MAP2K5: variants seen among roughly 807,000 people sequenced by gnomAD.
The protein encoded by MAP2K5 is mitogen-activated protein kinase kinase 5.
Under a neutral mutation model 83.1 loss-of-function variants are expected in MAP2K5, and 49 were observed. The ratio of observed to expected loss-of-function variants is 0.59; its 90% CI spans 0.47 to 0.75. MAP2K5 has a LOEUF of 0.75. MAP2K5 is among the 30% of genes least tolerant of loss of function. The pLI, the probability that MAP2K5 is intolerant of heterozygous loss-of-function variation, is 0.00. For missense variants in MAP2K5, 457 were observed against 557.5 expected (o/e 0.82, Z 1.82); for synonymous variants, 202 against 191.8 (o/e 1.05, Z -0.44).
At position 67,638,513 on chromosome 15, in the gene MAP2K5, A is replaced by C. The variant is rs2086650101; in HGVS notation, c.585+7586A>C. 6.6e-6 allele frequency among the ~76,000 whole-genome samples: 1 copy of C among 152,178 alleles called. No individual in the cohort carries two copies. The highest frequency in any genetic ancestry group is 2.1e-4 in the South Asian group (1 of 4,824). ...TTGATTCCATGTCTTTGCTATTGCGAATAGTGCTGCAATGACCATTTGCAT... is the reference window on the plus strand; with the variant it reads ...TTGATTCCATGTCTTTGCTATTGCGCATAGTGCTGCAATGACCATTTGCAT... On this transcript the variant is annotated intron_variant, in intron 9 of 21. Transcript: ENST00000178640. This position sits in a 1 kb window ranked among gnomAD's most constrained non-coding sequence, Gnocchi z 4.5.
intron 9 of MAP2K5, among the ~76,000 whole-genome samples, chr15:67,639,983 C>G (rs189727913): frequency 8.5e-5 from 13 of 152,322 alleles, no homozygotes; most frequent in Non-Finnish European, 1.2e-4. Context: ...TTCTTTGAAC[C>G]TCTCTAGAAT....
intron 1 of MAP2K5, among the ~76,000 whole-genome samples, chr15:67,548,825 A>G (rs2084447291): frequency 6.6e-6 from 1 of 152,184 alleles, no homozygotes; most frequent in Admixed American, 6.5e-5. Context: ...GACTAGACTC[A>G]GAAAAAAAAA....
At chr15:67,718,373 G>C (rs79218062) in intron 16 of MAP2K5, among the ~76,000 whole-genome samples, 1 of 152,172 alleles carries the variant, frequency 6.6e-6, no homozygotes, top group Admixed American at 6.5e-5. Flanking sequence ...TTTTAAAAGG[G>C]TGTTATTTCT....
intron 17 of MAP2K5, among the ~76,000 whole-genome samples, chr15:67,735,167 A>G (rs977807311): frequency 6.6e-6 from 1 of 152,234 alleles, no homozygotes; most frequent in Non-Finnish European, 1.5e-5. Flanking sequence ...GTACTTATCA[A>G]GAAGTCTCAT....
chr15:67,616,577 A>G (rs569147410), intron 8 of MAP2K5, among the ~76,000 whole-genome samples: 1 of 152,326 alleles, frequency 6.6e-6, no homozygotes, highest in African/African-American at 2.4e-5. Flanking sequence ...CAAAGAACTG[A>G]TGTTATTATT....
At chr15:67,787,683 T>C (rs1596974975) in intron 21 of MAP2K5, among the ~76,000 whole-genome samples, 1 of 152,354 alleles carries the variant, frequency 6.6e-6, no homozygotes, top group South Asian at 2.1e-4. Flanking sequence ...AGGATTTCCC[T>C]GGGGCAGCAA....
intron 8 of MAP2K5, among the ~76,000 whole-genome samples, chr15:67,613,227 C>G (rs11630097): frequency 0.12 from 18,492 of 152,150 alleles, 1,238 homozygotes; most frequent in East Asian, 0.2. Flanking sequence ...AAGAGTAAGG[C>G]AAGAACAGTG....
At chr15:67,728,868 C>T (rs1347020061) in intron 17 of MAP2K5, among the ~76,000 whole-genome samples, 4 of 152,204 alleles carry the variant, frequency 2.6e-5, no homozygotes, top group African/African-American at 9.6e-5. Context: ...ATTCTCTCTA[C>T]CATCTTTATA....
intron 21 of MAP2K5, among the ~76,000 whole-genome samples, chr15:67,791,611 T>C (rs1275694643): frequency 6.6e-6 from 1 of 152,118 alleles, no homozygotes; most frequent in Non-Finnish European, 1.5e-5. Flanking sequence ...AAGGCACAGG[T>C]TTGGGAGCTG....
intron 8 of MAP2K5, chr15:67,628,382 A>C: frequency 1.9e-6 from 1 of 530,266 alleles, no homozygotes; most frequent in Non-Finnish European, 3.3e-6. Context: ...CGGGAGGCTG[A>C]GGCAGGAGCA....
At position 67,758,558 on chromosome 15, in the gene MAP2K5, A is replaced by G. The variant is rs142999294; in HGVS notation, c.1134+9957A>G. 1.3e-5 allele frequency among the ~76,000 whole-genome samples: 2 copies of G among 152,306 alleles called. No homozygotes were observed. Among genetic ancestry groups the G allele is most frequent in the East Asian group, 3.9e-4 (2 of 5,188 alleles). ...TTCCTAGTACTGCACCTAACATCCT[A>G]TAGGCTCTTGTAAATATTCATCAAA... On this transcript the variant is annotated intron_variant, in intron 19 of 21. Coordinates refer to ENST00000178640, the MANE Select transcript of MAP2K5 (RefSeq NM_145160.3). The surrounding 1 kb of genome is among the most constrained non-coding windows in gnomAD (Gnocchi z 4.7).
chr15:67,684,300 C>T (rs2087893426), intron 13 of MAP2K5, among the ~76,000 whole-genome samples: 1 of 152,078 alleles, frequency 6.6e-6, no homozygotes, highest in South Asian at 2.1e-4. Context: ...TGTAGAGAGG[C>T]CTCATTAAAC....
chr15:67,752,287 G>T (rs1289034329), intron 19 of MAP2K5, among the ~76,000 whole-genome samples: 2 of 151,772 alleles, frequency 1.3e-5, no homozygotes, highest in Non-Finnish European at 2.9e-5. Flanking sequence ...GGCTGTTCTC[G>T]AACTCCTGAC....
chr15:67,618,357 T>C (rs1204471529), intron 8 of MAP2K5, among the ~76,000 whole-genome samples: 1 of 152,196 alleles, frequency 6.6e-6, no homozygotes, highest in Non-Finnish European at 1.5e-5. Flanking sequence ...TTCTCATCTT[T>C]CTGACCTCTG....
chr15:67,573,850 A>G lies in MAP2K5; in HGVS notation c.253-6904A>G, dbSNP rs1283142195. Among the ~76,000 whole-genome samples the G allele has an allele frequency of 6.6e-6, 1 of 152,190 alleles. No homozygotes were observed. Among genetic ancestry groups the G allele is most frequent in the Non-Finnish European group, 1.5e-5 (1 of 68,036 alleles). ...GACAGTAGTTACACAAAGATGAATAATCCTGTGTCACCAGCCTTGTAGTGC... is the reference window on the plus strand; with the variant it reads ...GACAGTAGTTACACAAAGATGAATAGTCCTGTGTCACCAGCCTTGTAGTGC... On this transcript the variant is annotated intron_variant, in intron 3 of 21. Coordinates refer to ENST00000178640, the MANE Select transcript of MAP2K5 (RefSeq NM_145160.3). This position sits in a 1 kb window ranked among gnomAD's most constrained non-coding sequence, Gnocchi z 4.2.
rs759757945 is a variant in MAP2K5, at chr15:67,640,430, C to T, written c.586-5801C>T. ...GAAGCGTATTTGATCTTTTCCTGAC[C>T]CTCTCCTGACTTTTGTGTGACTTCA... On this transcript the variant is annotated intron_variant, in intron 9 of 21. Coordinates refer to ENST00000178640, the MANE Select transcript of MAP2K5 (RefSeq NM_145160.3). The surrounding 1 kb of genome is among the most constrained non-coding windows in gnomAD (Gnocchi z 4.6). 4.8e-5 allele frequency: 8 copies of T among 168,312 alleles called. No homozygotes were observed. The highest frequency in any genetic ancestry group is 7.2e-5 in the African/African-American group (3 of 41,668). 10.4% of individuals were successfully genotyped at this position (168,312 alleles called of 1,614,324 possible).
In MAP2K5 at chr15:67,563,033, C is replaced by T. The variant is rs2084769631; in HGVS notation, c.185-250C>T. Among the ~76,000 whole-genome samples the T allele has an allele frequency of 6.6e-6, 1 of 152,030 alleles. No individual in the cohort carries two copies. The stretch of plus-strand genomic sequence containing the variant: ...CATACTCCAGTTATATTTACTTTAA[C>T]CTAGAGATATGTTGTGAATGACATG... On this transcript the variant is annotated intron_variant, in intron 2 of 21. Coordinates refer to ENST00000178640, the MANE Select transcript of MAP2K5 (RefSeq NM_145160.3). The surrounding 1 kb of genome is among the most constrained non-coding windows in gnomAD (Gnocchi z 4.5).
At chr15:67,590,388 C>T (rs1017823324) in intron 6 of MAP2K5, among the ~76,000 whole-genome samples, 5 of 146,320 alleles carry the variant, frequency 3.4e-5, no homozygotes, top group African/African-American at 7.6e-5. Context: ...TCATTTCTTC[C>T]TTTCTTGCTC....
At chr15:67,599,519 A>G (rs2085605404) in intron 7 of MAP2K5, among the ~76,000 whole-genome samples, 1 of 152,188 alleles carries the variant, frequency 6.6e-6, no homozygotes, top group Non-Finnish European at 1.5e-5. Flanking sequence ...TCCCTTGGTA[A>G]ATGAACCCTT....
Sources: allele counts gnomAD v4.1 joint callset (sites outside exome capture counted in the v4.1 genomes callset), GRCh38; gene constraint gnomAD v4.1.1; non-coding constraint Gnocchi (gnomAD v3.1); transcripts MANE v1.5; gene names NCBI Gene and HGNC (gene_info 2026-07-23, HGNC 2026-07-21).